The following DOCK3 variants were observed in gnomAD, a reference collection of about 807,000 sequenced individuals.
DOCK3 encodes dedicator of cytokinesis protein 3.
A neutral mutation model predicts 265.6 loss-of-function variants in DOCK3; 60 were observed. That is an observed-to-expected ratio of 0.23 (90% CI 0.18 to 0.28). The LOEUF (loss-of-function observed/expected upper bound fraction) is 0.28, where lower values mean the gene tolerates loss of function less well. Ranked by LOEUF, DOCK3 falls within the 10% of genes least tolerant of loss-of-function variation. The pLI, the probability that DOCK3 is intolerant of heterozygous loss-of-function variation, is 1.00. For synonymous variants in DOCK3, 881 were observed against 938.0 expected (o/e 0.94, Z 1.11); for missense variants, 1,981 against 2,594.3 (o/e 0.76, Z 5.14).
At chr3:51,372,008 T>G (rs1434658262) in intron 49 of DOCK3, among the ~76,000 whole-genome samples, 4 of 152,210 alleles carry the variant, frequency 2.6e-5, no homozygotes, top group African/African-American at 9.6e-5. Flanking sequence ...CGGTGCATAC[T>G]GAACAGAGAG....
chr3:51,287,153 A>G (rs905605594), intron 27 of DOCK3, among the ~76,000 whole-genome samples: 5 of 152,216 alleles, frequency 3.3e-5, no homozygotes, highest in African/African-American at 1.2e-4. Context: ...GGCAAAAGAC[A>G]TGAACAGACA....
At chr3:50,787,034 A>G (rs1260653812) in intron 2 of DOCK3, 2 of 740,042 alleles carry the variant, frequency 2.7e-6, no homozygotes, top group Admixed American at 1.7e-5. Context: ...TTCACAGGAA[A>G]ATTTCTTTTC....
At chr3:51,338,543 C>A in intron 36 of DOCK3, 124 bp downstream of exon 36, 1 of 1,058,998 alleles carries the variant, frequency 9.4e-7, no homozygotes, top group Non-Finnish European at 1.4e-6. Flanking sequence ...AGGACATCAG[C>A]TCTGTTACTG....
intron 5 of DOCK3, among the ~76,000 whole-genome samples, chr3:51,052,676 A>G (rs139089140): frequency 1.2e-3 from 184 of 152,292 alleles, no homozygotes; most frequent in Non-Finnish European, 2.1e-3. Context: ...TGCCTTAGCA[A>G]GGAGACTCAG....
chr3:51,058,272 C>T (rs897006027), intron 5 of DOCK3, among the ~76,000 whole-genome samples: 4 of 152,156 alleles, frequency 2.6e-5, no homozygotes, highest in Non-Finnish European at 5.9e-5. Context: ...ATATTCAGGG[C>T]CTGCCCAGAT....
chr3:51,089,196 T>G, intron 7 of DOCK3, 47 bp from the exon 8 acceptor site: 1 of 1,562,528 alleles, frequency 6.4e-7, no homozygotes, highest in Non-Finnish European at 8.7e-7. Flanking sequence ...TAATAAAATT[T>G]AGTTTCTTTC....
intron 10 of DOCK3, among the ~76,000 whole-genome samples, chr3:51,157,026 C>G (rs2085882186): frequency 6.6e-6 from 1 of 152,042 alleles, no homozygotes; most frequent in Non-Finnish European, 1.5e-5. Context: ...AAATATAGCA[C>G]TATTTTAATA....
chr3:50,961,509 T>C (rs2076885670), intron 5 of DOCK3, among the ~76,000 whole-genome samples: 1 of 152,102 alleles, frequency 6.6e-6, no homozygotes, highest in Non-Finnish European at 1.5e-5. Context: ...CTTGGTGATA[T>C]CTGAAGAAAG....
In DOCK3 at chr3:50,689,945, T is replaced by C. The variant is rs983966096; in HGVS notation, c.37+14645T>C. Among the ~76,000 whole-genome samples, 14 of 152,286 alleles carry C rather than the reference T, an allele frequency of 9.2e-5. 1 individual carries two copies. The highest frequency in any genetic ancestry group is 6.2e-4 in the South Asian group (3 of 4,824). ...GTCTTTTCACTCACTTGGTGGTGTC[T>C]CTAGATGTACAAAAATTTTAAATTT... On this transcript the variant is annotated intron_variant, in intron 1 of 52. Transcript: ENST00000266037.
intron 3 of DOCK3, among the ~76,000 whole-genome samples, chr3:50,869,075 C>T (rs1466960287): frequency 4.0e-5 from 6 of 148,304 alleles, no homozygotes; most frequent in South Asian, 2.1e-4. Flanking sequence ...CCCGGGTTCA[C>T]GCCATTCTCC....
At chr3:51,039,734 A>G (rs1432051866) in intron 5 of DOCK3, among the ~76,000 whole-genome samples, 1 of 151,842 alleles carries the variant, frequency 6.6e-6, no homozygotes, top group Non-Finnish European at 1.5e-5. Context: ...TTTGGCTGTT[A>G]TATATATCTA....
chr3:51,311,207 A>G (rs1243963862), intron 28 of DOCK3, among the ~76,000 whole-genome samples: 1 of 152,070 alleles, frequency 6.6e-6, no homozygotes, highest in Non-Finnish European at 1.5e-5. Context: ...TTTTCTTTCA[A>G]AGCTTTGACC....
intron 27 of DOCK3, among the ~76,000 whole-genome samples, chr3:51,289,341 T>G (rs538403256): frequency 3.3e-5 from 5 of 152,290 alleles, no homozygotes; most frequent in Non-Finnish European, 7.4e-5. Flanking sequence ...ATCAAAGTTG[T>G]TATCAGCCTA....
At position 51,277,740 on chromosome 3, in the gene DOCK3, A is replaced by G. The variant is rs1490065498; in HGVS notation, c.2809A>G (p.Thr937Ala). 1 of 1,611,646 alleles carries G rather than the reference A, an allele frequency of 6.2e-7. No homozygotes were observed. Among genetic ancestry groups the G allele is most frequent in the Non-Finnish European group, 8.5e-7 (1 of 1,179,240 alleles). ...AAGAGGGCAGCGGTGCCCGCAGTGCACAGCCGAGATCACTGTTAGTAACTA... is the reference window on the plus strand; with the variant it reads ...AAGAGGGCAGCGGTGCCCGCAGTGCGCAGCCGAGATCACTGTTAGTAACTA... ...AVRGQRCPQC[T>A]AEITGEYVSC... Residue 937 changes from threonine to alanine, a missense_variant, in exon 26 of 53, where the codon ACA becomes GCA. Physicochemically the swap from Thr to Ala is moderately conservative, Grantham distance 58. Transcript: ENST00000266037.
intron 5 of DOCK3, among the ~76,000 whole-genome samples, chr3:50,979,184 A>G (rs947187064): frequency 2.0e-5 from 3 of 151,878 alleles, no homozygotes; most frequent in African/African-American, 7.3e-5. Context: ...GTGTGTTTCA[A>G]TTTGTTTGTG....
At position 50,975,441 on chromosome 3, in the gene DOCK3, A is replaced by T. The variant is rs1179669733; in HGVS notation, c.315+41364A>T. On this transcript the variant is annotated intron_variant, in intron 5 of 52. Transcript: ENST00000266037. ...TGGCTCTGTTTATATGCTGGATTAC[A>T]TTTATTGATTTGGGTATATTGAACC... Among the ~76,000 whole-genome samples the T allele has an allele frequency of 4.7e-5, 7 of 150,158 alleles. 2 individuals carry two copies. Among genetic ancestry groups the T allele is most frequent in the African/African-American group, 1.7e-4 (7 of 41,224 alleles).
At chr3:50,710,224 CAG>C (rs2036667872) in intron 1 of DOCK3, among the ~76,000 whole-genome samples, 1 of 152,126 alleles carries the variant, frequency 6.6e-6, no homozygotes, top group Non-Finnish European at 1.5e-5. Context: ...GCAGAGTAAA[CAG>C]ACAACCCAGA....
intron 1 of DOCK3, among the ~76,000 whole-genome samples, chr3:50,702,471 C>T (rs2036105149): frequency 6.6e-6 from 1 of 152,146 alleles, no homozygotes; most frequent in African/African-American, 2.4e-5. Context: ...TCAAGCGATT[C>T]TCCTGCCTCA....
chr3:51,075,546 C>A, intron 7 of DOCK3, 106 bp downstream of exon 7: 1 of 912,312 alleles, frequency 1.1e-6, no homozygotes, highest in African/African-American at 1.7e-5. Flanking sequence ...TTTGTTTTGG[C>A]CTCTTTCCCA....
Sources: gnomAD v4.1 joint callset for allele counts (sites outside exome capture counted in the v4.1 genomes callset) on GRCh38, gnomAD v4.1.1 for gene constraint, MANE v1.5 for transcripts, NCBI Gene and HGNC (gene_info 2026-07-23, HGNC 2026-07-21) for gene names.